ZRANB3: variants seen among roughly 807,000 people sequenced by gnomAD.
ZRANB3 encodes zinc finger RANBP2-type containing 3, also known as DNA annealing helicase and endonuclease ZRANB3.
A neutral mutation model predicts 133.8 loss-of-function variants in ZRANB3; 125 were observed. The ratio of observed to expected loss-of-function variants is 0.93; its 90% CI spans 0.81 to 1.08. The LOEUF is 1.08. Ranked by LOEUF, ZRANB3 falls within the 50% of genes least tolerant of loss-of-function variation. The pLI is 0.00. For missense variants in ZRANB3, 1,229 were observed against 1,275.5 expected (o/e 0.96, Z 0.56); for synonymous variants, 387 against 432.7 (o/e 0.89, Z 1.31).
At chr2:135,207,068 G>A (rs1693894725) in intron 19 of ZRANB3, among the ~76,000 whole-genome samples, 1 of 152,040 alleles carries the variant, frequency 6.6e-6, no homozygotes, top group Non-Finnish European at 1.5e-5. Context: ...AGGAGGCTGA[G>A]GCATGAGTAT....
At chr2:135,485,356 A>G (rs1174255800) in intron 2 of ZRANB3, among the ~76,000 whole-genome samples, 1 of 152,180 alleles carries the variant, frequency 6.6e-6, no homozygotes, top group Non-Finnish European at 1.5e-5. Context: ...GCAAGGCTCA[A>G]CGACAAATGC....
At chr2:135,363,401 C>T (rs1390148438) in intron 3 of ZRANB3, among the ~76,000 whole-genome samples, 1 of 152,182 alleles carries the variant, frequency 6.6e-6, no homozygotes. Context: ...GAACTGCTCA[C>T]ATGCATATGT....
chr2:135,429,732 G>C (rs544906619), intron 2 of ZRANB3, among the ~76,000 whole-genome samples: 1 of 152,196 alleles, frequency 6.6e-6, no homozygotes, highest in African/African-American at 2.4e-5. Context: ...TTAGAGATAC[G>C]GGAAACGGTA....
intron 9 of ZRANB3, 64 bp downstream of exon 9, chr2:135,275,572 C>T (rs1680769646): frequency 7.3e-7 from 1 of 1,371,892 alleles, no homozygotes; most frequent in Non-Finnish European, 9.6e-7. Flanking sequence ...GAGACTACAA[C>T]TGATGTTTAG....
intron 5 of ZRANB3, 61 bp downstream of exon 5, chr2:135,349,923 T>C: frequency 6.8e-7 from 1 of 1,475,784 alleles, no homozygotes; most frequent in Non-Finnish European, 9.3e-7. Context: ...AGGTGGTTGA[T>C]TCAATACGCC....
intron 2 of ZRANB3, among the ~76,000 whole-genome samples, chr2:135,481,359 T>G (rs1237356626): frequency 6.6e-6 from 1 of 152,168 alleles, no homozygotes; most frequent in Non-Finnish European, 1.5e-5. Flanking sequence ...ATTTCTCTGA[T>G]GGCCAGTGAT....
intron 2 of ZRANB3, among the ~76,000 whole-genome samples, chr2:135,405,990 T>A (rs149671601): frequency 1.3e-5 from 2 of 151,814 alleles, no homozygotes. Context: ...CTGAAGGACA[T>A]AGACACACAA....
intron 17 of ZRANB3, among the ~76,000 whole-genome samples, chr2:135,215,630 T>C (rs761729141): frequency 3.9e-5 from 6 of 152,200 alleles, no homozygotes; most frequent in Non-Finnish European, 7.3e-5. Flanking sequence ...TCAGCCCATA[T>C]CTCATCCTTT....
chr2:135,262,587 G>A (rs563949164), intron 12 of ZRANB3, among the ~76,000 whole-genome samples: 2 of 151,992 alleles, frequency 1.3e-5, no homozygotes, highest in Admixed American at 6.6e-5. Flanking sequence ...TTTGAGACCA[G>A]CCTGAGCCAC....
chr2:135,308,559 TTC>T, intron 8 of ZRANB3, among the ~76,000 whole-genome samples: 1 of 152,284 alleles, frequency 6.6e-6, no homozygotes, highest in South Asian at 2.1e-4. Flanking sequence ...GTGATCTTTT[TTC>T]TTTCTTTTTT....
chr2:135,406,904 C>G (rs1420440419), intron 2 of ZRANB3, among the ~76,000 whole-genome samples: 2 of 152,098 alleles, frequency 1.3e-5, no homozygotes, highest in Admixed American at 6.6e-5. Context: ...CCCTTCAAAA[C>G]ATGGCACAAG....
At chr2:135,318,411 C>G (rs1425702195) in intron 6 of ZRANB3, among the ~76,000 whole-genome samples, 1 of 152,032 alleles carries the variant, frequency 6.6e-6, no homozygotes, top group Non-Finnish European at 1.5e-5. Flanking sequence ...AACTGTGGGG[C>G]ATGCCAACTA....
chr2:135,359,711 G>C (rs1265020967), intron 3 of ZRANB3, among the ~76,000 whole-genome samples: 1 of 152,084 alleles, frequency 6.6e-6, no homozygotes, highest in Non-Finnish European at 1.5e-5. Context: ...ATGGTATTAG[G>C]ACTGACACTG....
chr2:135,414,601 G>C (rs1688465859), intron 2 of ZRANB3, among the ~76,000 whole-genome samples: 1 of 152,090 alleles, frequency 6.6e-6, no homozygotes, highest in Admixed American at 6.6e-5. Flanking sequence ...GCACCAAGTG[G>C]ACCTAATAGA....
chr2:135,256,120 G>A (rs1679643042), intron 12 of ZRANB3, among the ~76,000 whole-genome samples: 2 of 151,818 alleles, frequency 1.3e-5, no homozygotes, highest in African/African-American at 2.4e-5. Flanking sequence ...TTGCCATGTT[G>A]TCCAGGCTAA....
rs188045607 is a variant in ZRANB3 at position 135,523,146 on chromosome 2, C to T, written c.-8+7981G>A. Among the ~76,000 whole-genome samples, 4 of 152,304 alleles carry T rather than the reference C, an allele frequency of 2.6e-5. No individual in the cohort carries two copies. In the East Asian group the frequency reaches 7.7e-4, roughly 29 times the overall value. ...CCTGTAGTCTCAGTAAATAGTACAACCATGCAAGTTACTCAAACTGGGTTT... is the reference window on the plus strand; with the variant it reads ...CCTGTAGTCTCAGTAAATAGTACAATCATGCAAGTTACTCAAACTGGGTTT... On this transcript the variant is annotated intron_variant, in intron 1 of 20. Transcript: ENST00000264159.
At chr2:135,485,225 G>C (rs984997928) in intron 2 of ZRANB3, among the ~76,000 whole-genome samples, 1 of 149,576 alleles carries the variant, frequency 6.7e-6, no homozygotes, top group Admixed American at 6.8e-5. Flanking sequence ...GCCAAACACA[G>C]TTCCAAAGTA....
At chr2:135,460,074 CA>C (rs1299407622) in intron 2 of ZRANB3, among the ~76,000 whole-genome samples, 1 of 151,866 alleles carries the variant, frequency 6.6e-6, no homozygotes, top group Non-Finnish European at 1.5e-5. Context: ...GTGAATGGGG[CA>C]GGGGTAGGGG....
intron 2 of ZRANB3, among the ~76,000 whole-genome samples, chr2:135,501,381 G>A (rs1692933926): frequency 6.6e-6 from 1 of 152,104 alleles, no homozygotes; most frequent in East Asian, 1.9e-4. Context: ...AATGTAGAAA[G>A]TATAGCACTA....
Sources: allele counts gnomAD v4.1 joint callset (sites outside exome capture counted in the v4.1 genomes callset), GRCh38; gene constraint gnomAD v4.1.1; transcripts MANE v1.5; gene names NCBI Gene and HGNC (gene_info 2026-07-23, HGNC 2026-07-21).